Variants in RASAL3 observed in about 807,000 individuals in gnomAD.
The protein encoded by RASAL3 is RAS protein activator like 3, also known as RAS protein activator like-3.
In RASAL3, 74 loss-of-function variants were observed where a neutral mutation model predicts 105.5. The ratio of observed to expected loss-of-function variants is 0.70; its 90% CI spans 0.58 to 0.85. The LOEUF (loss-of-function observed/expected upper bound fraction) is 0.85. RASAL3 is among the 40% of genes least tolerant of loss of function. The pLI, the probability that RASAL3 is intolerant of heterozygous loss-of-function variation, is 0.00. For missense variants in RASAL3, 1,352 were observed against 1,392.0 expected (o/e 0.97, Z 0.46); for synonymous variants, 579 against 591.6 (o/e 0.98, Z 0.31).
intron 6 of RASAL3, 128 bp downstream of exon 6, chr19:15,460,075 C>G: frequency 3.9e-6 from 3 of 760,692 alleles, no homozygotes; most frequent in Non-Finnish European, 6.4e-6. Flanking sequence ...TCCCCAGCAT[C>G]AACTGATGTG....
At position 15,451,685 on chromosome 19, in the gene RASAL3, G is replaced by T; in HGVS notation, c.*110C>A. On this transcript the variant is annotated 3_prime_UTR_variant, in exon 18 of 18. Transcript: ENST00000343625. Reference sequence around the variant, plus strand: ...ACTGCCAGAGTGGTTGGGACCAGCAGCTCCACTCCCCACTGTAGGCCAAGT... The same window carrying T: ...ACTGCCAGAGTGGTTGGGACCAGCATCTCCACTCCCCACTGTAGGCCAAGT... 2 of 1,211,464 alleles carry T rather than the reference G, an allele frequency of 1.7e-6. No individual in the cohort carries two copies. The highest frequency in any genetic ancestry group is 1.6e-5 in the South Asian group (1 of 62,242). The allele number at this position is 1,211,464 out of a possible 1,614,324, so 75.0% of individuals were successfully genotyped here.
At chr19:15,461,448 C>A (rs777025809) in intron 3 of RASAL3, 23 bp downstream of exon 3, 198 of 1,545,716 alleles carry the variant, frequency 1.3e-4, no homozygotes, top group Non-Finnish European at 1.7e-4. Flanking sequence ...CCCTCCTCCC[C>A]TTTCCCAGGT....
At chr19:15,452,863 G>A in intron 15 of RASAL3, 48 bp from the exon 16 acceptor site, 1 of 1,490,746 alleles carries the variant, frequency 6.7e-7, no homozygotes. Context: ...CCGCCCCTGT[G>A]TCTCCCCGGA....
In RASAL3 at chr19:15,461,314, T is replaced by A. The variant is rs1400925148; in HGVS notation, c.466-18A>T. 1 of 1,609,608 alleles carries A rather than the reference T, an allele frequency of 6.2e-7. No individual in the cohort carries two copies. The highest frequency in any genetic ancestry group is 8.5e-7 in the Non-Finnish European group (1 of 1,177,798). On this transcript the variant is annotated intron_variant, in intron 3 of 17. Coordinates refer to ENST00000343625, the MANE Select transcript of RASAL3 (RefSeq NM_022904.3). ...CGAGGACCCTGTTCTCCCGCAGGAG[T>A]GGGTAGTCAGAGAGGGGAGGCAGGC...
intron 2 of RASAL3, 148 bp downstream of exon 2, chr19:15,463,883 A>G: frequency 2.9e-6 from 2 of 693,346 alleles, no homozygotes; most frequent in Non-Finnish European, 4.6e-6. Flanking sequence ...AAGAGGGAAC[A>G]GGGTAGCTGG....
In RASAL3 at chr19:15,453,181, C is replaced by T. The variant is rs1970212862; in HGVS notation, c.2596G>A (p.Val866Ile). ...DSASLPRKPS[V>I]PWQRQMDQPQ... ...TGGTCCATTTGGCGCTGCCAGGGTA[C>T]CGACGGCTTCCGAGGCAGCGAGGCG... is the stretch of plus-strand genomic sequence containing the variant. Residue 866 changes from valine to isoleucine, a missense_variant, in exon 15 of 18, where the codon GTA (valine) becomes ATA (isoleucine). Coordinates refer to ENST00000343625, the MANE Select transcript of RASAL3 (RefSeq NM_022904.3). The surrounding 1 kb of genome is among the most constrained non-coding windows in gnomAD (Gnocchi z 4.2). The T allele has an allele frequency of 6.2e-7, 1 of 1,612,560 alleles. No homozygotes were observed. Among genetic ancestry groups the T allele is most frequent in the Non-Finnish European group, 8.5e-7 (1 of 1,179,412 alleles).
intron 1 of RASAL3, 26 bp downstream of exon 1, chr19:15,464,479 G>A (rs1229728844): frequency 1.7e-5 from 17 of 977,928 alleles, no homozygotes; most frequent in Non-Finnish European, 2.4e-5. Context: ...GAATCCCCCT[G>A]CCCCCACCTC....
chr19:15,454,345 T>C lies in RASAL3; in HGVS notation c.2160+16A>G. The C allele has an allele frequency of 1.9e-6, 3 of 1,600,724 alleles. No individual in the cohort carries two copies. The highest frequency in any genetic ancestry group is 2.6e-6 in the Non-Finnish European group (3 of 1,172,860). ...CCCAAGCCTTCTTGCCTCCCTACTC[T>C]GGGTTCAGGCCATACCTGGTCAAGC... On this transcript the variant is annotated intron_variant, in intron 13 of 17. Transcript: ENST00000343625.
intron 16 of RASAL3, 39 bp downstream of exon 16, chr19:15,452,619 C>A: frequency 6.8e-7 from 1 of 1,466,726 alleles, no homozygotes; most frequent in Non-Finnish European, 9.1e-7. Context: ...TGGATCGGGC[C>A]CACCTGGGGG....
chr19:15,457,931 CG>C lies in RASAL3; in HGVS notation c.889-98del. ...GCGTGGAGCCTCAAACCTGTTGCGT[CG>C]GGTCCCTAGGGAGATTGCTGGGCCT... On this transcript the variant is annotated intron_variant, in intron 8 of 17. Transcript: ENST00000343625. The surrounding 1 kb of genome is among the most constrained non-coding windows in gnomAD (Gnocchi z 8.6). 1 of 1,403,742 alleles carries C rather than the reference CG, an allele frequency of 7.1e-7. No individual in the cohort carries two copies. Among genetic ancestry groups the C allele is most frequent in the Middle Eastern group, 2.5e-4 (1 of 4,000 alleles). 87.0% of individuals were successfully genotyped at this position (1,403,742 alleles called of 1,614,324 possible).
intron 2 of RASAL3, 71 bp downstream of exon 2, chr19:15,463,960 C>A: frequency 7.2e-7 from 1 of 1,382,514 alleles, no homozygotes; most frequent in Non-Finnish European, 9.7e-7. Flanking sequence ...GGTTGATGCT[C>A]CGGAGGCAGA....
chr19:15,452,970 A>G, intron 15 of RASAL3, 137 bp downstream of exon 15: 2 of 1,478,656 alleles, frequency 1.4e-6, no homozygotes, highest in Non-Finnish European at 1.8e-6. Flanking sequence ...ACTGAAGCTC[A>G]GAGAGGGTCG....
chr19:15,452,323 G>T, intron 16 of RASAL3: 1 of 617,338 alleles, frequency 1.6e-6, no homozygotes, highest in Non-Finnish European at 2.9e-6. Context: ...TTGGAGGTGG[G>T]GTTTGGCCAG....
At chr19:15,460,159 C>G (rs1176177577) in intron 6 of RASAL3, 44 bp downstream of exon 6, 1 of 1,521,636 alleles carries the variant, frequency 6.6e-7, no homozygotes. Context: ...GGAGGAGGGG[C>G]CAGTGTTGAA....
chr19:15,464,073 G>C lies in RASAL3; in HGVS notation c.286C>G (p.Pro96Ala). Reference sequence around the variant, plus strand: ...GGCTCCGGGTCTGGCTCCGGCGGTGGGTTCTTATGCCTCCCCCAGAGGGCC... The same window carrying C: ...GGCTCCGGGTCTGGCTCCGGCGGTGCGTTCTTATGCCTCCCCCAGAGGGCC... ...SKALWGRHKNPPPEPDPEPEQ... is the reference protein window; with the variant it reads ...SKALWGRHKNAPPEPDPEPEQ... The change falls in exon 2 of 18, where the codon CCA (proline) becomes GCA (alanine). Residue 96 changes from proline to alanine, a missense_variant. By Grantham distance (27) the Pro-to-Ala change is conservative. Around this residue, in one of 3 missense-constraint regions of RASAL3, gnomAD observed 344 missense variants for 339.6 expected, o/e 1.01. Transcript: ENST00000343625. 6.3e-7 allele frequency: 1 copy of C among 1,590,346 alleles called. No individual in the cohort carries two copies. Among genetic ancestry groups the C allele is most frequent in the South Asian group, 1.1e-5 (1 of 89,510 alleles).
At chr19:15,452,570 TGG>T in intron 16 of RASAL3, 86 bp downstream of exon 16, 1 of 848,766 alleles carries the variant, frequency 1.2e-6, no homozygotes, top group Non-Finnish European at 1.5e-6. Context: ...GTGCTAGGCG[TGG>T]TTTGGGGGGG....
Position 15,457,720 on chromosome 19 carries a change from C to T in RASAL3, c.1003G>A (p.Ala335Thr), listed in dbSNP as rs1467499262. The T allele has an allele frequency of 2.0e-6, 3 of 1,518,644 alleles. No homozygotes were observed. The highest frequency in any genetic ancestry group is 2.6e-5 in the East Asian group (1 of 38,510). 94.1% of individuals were successfully genotyped at this position (1,518,644 alleles called of 1,614,324 possible). ...GVRAELWLDG[A>T]LLARTAPRAG... ...CGAGGCGCCGTGCGTGCCAGCAGCG[C>T]GCCATCCAGCCACAGCTCGGCGCGC... is the stretch of plus-strand genomic sequence containing the variant. Residue 335 changes from alanine to threonine, a missense_variant, in exon 9 of 18, where the codon GCG becomes ACG. Transcript: ENST00000343625. The surrounding 1 kb of genome is among the most constrained non-coding windows in gnomAD (Gnocchi z 8.6).
In RASAL3 at chr19:15,453,549, C is replaced by G. The variant is rs912101444; in HGVS notation, c.2280-52G>C. The G allele has an allele frequency of 1.1e-4, 163 of 1,450,378 alleles. No individual in the cohort carries two copies. Among genetic ancestry groups the G allele is most frequent in the Non-Finnish European group, 1.4e-4 (154 of 1,110,934 alleles). 89.8% of individuals were successfully genotyped at this position (1,450,378 alleles called of 1,614,324 possible). On this transcript the variant is annotated intron_variant, in intron 14 of 17. Coordinates refer to ENST00000343625, the MANE Select transcript of RASAL3 (RefSeq NM_022904.3). This position sits in a 1 kb window ranked among gnomAD's most constrained non-coding sequence, Gnocchi z 4.2. ...CCCTCCACTGGCCCCTGAGACGACCCCATCCCGACCTGACCAGAAGTGACC... is the reference window on the plus strand; with the variant it reads ...CCCTCCACTGGCCCCTGAGACGACCGCATCCCGACCTGACCAGAAGTGACC...
intron 14 of RASAL3, 127 bp downstream of exon 14, chr19:15,454,022 C>T (rs1321875510): frequency 4.3e-6 from 3 of 697,466 alleles, no homozygotes; most frequent in South Asian, 1.8e-5. Context: ...TTTCTATAAC[C>T]TGTGATTCCC....
Sources: gnomAD v4.1 joint callset for allele counts on GRCh38, gnomAD v4.1.1 for gene constraint, gnomAD v4.1.1 regional missense constraint, Gnocchi (gnomAD v3.1) non-coding constraint, MANE v1.5 for transcripts, NCBI Gene and HGNC (gene_info 2026-07-23, HGNC 2026-07-21) for gene names.